DKK4: variants seen among roughly 807,000 people sequenced by gnomAD.
DKK4 encodes dickkopf Wnt signaling pathway inhibitor 4, also known as dickkopf-related protein 4.
A neutral mutation model predicts 14.5 loss-of-function variants in DKK4; 15 were observed. That is an observed-to-expected ratio of 1.03 (90% CI 0.69 to 1.59). The LOEUF is 1.59. Ranked by LOEUF, DKK4 falls within the 40% of genes most tolerant of loss-of-function variation. DKK4 has a pLI of 0.00. For synonymous variants in DKK4, 89 were observed against 105.2 expected, an observed-to-expected ratio of 0.85 and a Z score of 0.94; for missense variants, 272 against 280.3, an observed-to-expected ratio of 0.97 and a Z score of 0.21.
chr8:42,380,203 C>T (rs867902986), upstream of DKK4, among the ~76,000 whole-genome samples: 65 of 152,056 alleles, frequency 4.3e-4, no homozygotes, highest in Admixed American at 2.9e-3. Flanking sequence ...TGTGGTGGCA[C>T]GTGTCTGCAG....
At chr8:42,384,225 A>G in the DKK4 span, among the ~76,000 whole-genome samples, 2 of 152,126 alleles carry the variant, frequency 1.3e-5, no homozygotes, top group Admixed American at 6.5e-5. Context: ...GCAGTGGTGC[A>G]AGCACAGCTC....
In DKK4 at chr8:42,374,815, G is replaced by A. The variant is rs1824525795; in HGVS notation, c.361C>T (p.Gln121Ter). ...GGCTTCCTTTTGGGTTGGTTTTCCT[G>A]GACTGGGTGCCCAGTTGTTCCTTCT... The part of the protein sequence containing the change: ...HAEGTTGHPV[Q>*]ENQPKRKPSI... Residue 121 changes from glutamine to a stop codon, truncating the protein, a stop_gained, in exon 3 of 4, where the codon CAG (glutamine) becomes TAG (stop). Transcript: ENST00000220812. LOFTEE classifies it high-confidence loss of function. 6.2e-7 allele frequency: 1 copy of A among 1,614,058 alleles called. No individual in the cohort carries two copies. Among genetic ancestry groups the A allele is most frequent in the Non-Finnish European group, 8.5e-7 (1 of 1,180,040 alleles).
chr8:42,380,977 C>T (rs1439229033), upstream of DKK4, among the ~76,000 whole-genome samples: 1 of 152,032 alleles, frequency 6.6e-6, no homozygotes, highest in Non-Finnish European at 1.5e-5. Flanking sequence ...AAGAAAGACA[C>T]TGGTGTGATC....
chr8:42,383,024 G>T, the DKK4 span, among the ~76,000 whole-genome samples: 1 of 152,160 alleles, frequency 6.6e-6, no homozygotes, highest in Non-Finnish European at 1.5e-5. Flanking sequence ...AAACCAGTTT[G>T]ATTTCCATAA....
chr8:42,375,793 C>T lies in DKK4; in HGVS notation c.149G>A (p.Arg50Lys). Reference protein sequence around the residue: ...QCLSDTDCNTRKFCLQPRDEK... With the variant: ...QCLSDTDCNTKKFCLQPRDEK... ...ATCGCGGGGCTGGAGGCAGAACTTT[C>T]TGGTATTGCAGTCCGTGTCAGACAG... The change falls in exon 2 of 4, where the codon AGA (arginine) becomes AAA (lysine). Residue 50 changes from arginine (R) to lysine (K), a missense_variant. Arg to Lys is a conservative substitution (Grantham distance 26). Coordinates refer to ENST00000220812, the MANE Select transcript of DKK4 (RefSeq NM_014420.3). 6.2e-7 allele frequency: 1 copy of T among 1,614,136 alleles called. No homozygotes were observed. The highest frequency in any genetic ancestry group is 1.1e-5 in the South Asian group (1 of 91,070).
At chr8:42,376,856 G>C in intron 1 of DKK4, 79 bp downstream of exon 1, 1 of 1,174,888 alleles carries the variant, frequency 8.5e-7, no homozygotes, top group South Asian at 1.3e-5. Context: ...ACATGAATCA[G>C]AATGACTTAC....
upstream of DKK4, among the ~76,000 whole-genome samples, chr8:42,381,910 T>C (rs1585938947): frequency 1.3e-5 from 2 of 152,236 alleles, no homozygotes; most frequent in South Asian, 4.1e-4. Context: ...GGCAGGAGAA[T>C]TGCTTGAGCC....
chr8:42,382,701 T>C, the DKK4 span, among the ~76,000 whole-genome samples: 2 of 152,234 alleles, frequency 1.3e-5, no homozygotes, highest in Admixed American at 6.5e-5. Flanking sequence ...GCAAGGATTA[T>C]GGGTTAACTG....
chr8:42,377,047 C>G lies in DKK4; in HGVS notation c.-2G>C, dbSNP rs759892704. 6.2e-7 allele frequency: 1 copy of G among 1,612,070 alleles called. No homozygotes were observed. Among genetic ancestry groups the G allele is most frequent in the Non-Finnish European group, 8.5e-7 (1 of 1,179,876 alleles). On this transcript the variant is annotated 5_prime_UTR_variant, in exon 1 of 4. Coordinates refer to ENST00000220812, the MANE Select transcript of DKK4 (RefSeq NM_014420.3). Reference sequence around the variant, plus strand: ...CCCCAGCAGGACGGCCGCCACCATCCTTCAATCCCGGGGCTCCTGGAGGGT... The same window carrying G: ...CCCCAGCAGGACGGCCGCCACCATCGTTCAATCCCGGGGCTCCTGGAGGGT...
chr8:42,376,306 A>G (rs1195333502), intron 1 of DKK4, among the ~76,000 whole-genome samples: 1 of 152,218 alleles, frequency 6.6e-6, no homozygotes, highest in Non-Finnish European at 1.5e-5. Flanking sequence ...CCTCATTGAC[A>G]TAGAGAAAGA....
At chr8:42,387,101 C>T in the DKK4 span, among the ~76,000 whole-genome samples, 2 of 152,134 alleles carry the variant, frequency 1.3e-5, no homozygotes, top group African/African-American at 4.8e-5. Flanking sequence ...TGTCATTGTG[C>T]CCTGGACACG....
At chr8:42,377,261 AC>A (rs1824583477), upstream of DKK4, 2 of 538,764 alleles carry the variant, frequency 3.7e-6, no homozygotes, top group South Asian at 5.2e-5. Context: ...ACTATTTATA[AC>A]CAGATGTGCC....
At chr8:42,375,860 A>G (rs761367670) in intron 1 of DKK4, 30 bp from the exon 2 acceptor site, 13 of 1,611,228 alleles carry the variant, frequency 8.1e-6, no homozygotes, top group Non-Finnish European at 1.0e-5. Flanking sequence ...TCACAAGGCT[A>G]GGAAACCCCC....
chr8:42,379,428 A>AG (rs1563415812), upstream of DKK4, among the ~76,000 whole-genome samples: 29 of 77,762 alleles, frequency 3.7e-4, 2 homozygotes, highest in Non-Finnish European at 5.3e-4. Context: ...GAGAGAGAGA[A>AG]AGATTCAGAC....
At chr8:42,384,113 C>T in the DKK4 span, among the ~76,000 whole-genome samples, 1 of 152,060 alleles carries the variant, frequency 6.6e-6, no homozygotes, top group African/African-American at 2.4e-5. Flanking sequence ...GGGAGGTCTG[C>T]CATCTTTGGA....
intron 2 of DKK4, 35 bp downstream of exon 2, chr8:42,375,645 G>T (rs200577163): frequency 6.2e-7 from 1 of 1,611,218 alleles, no homozygotes; most frequent in Non-Finnish European, 8.5e-7. Flanking sequence ...CACTACCTTC[G>T]GTTTAAAAAC....
In DKK4 at chr8:42,376,928, G is replaced by A. The variant is rs772652133; in HGVS notation, c.111+7C>T. 1.2e-6 allele frequency: 2 copies of A among 1,612,140 alleles called. No individual in the cohort carries two copies. The highest frequency in any genetic ancestry group is 1.7e-5 in the Admixed American group (1 of 59,980). ...CCGTACCTCGCCCCCCTCCCTAGCA[G>A]CCTTACCTTCCGGGCCCCATGCAGG... On this transcript the variant is annotated splice_region_variant and intron_variant, in intron 1 of 3. Coordinates refer to ENST00000220812, the MANE Select transcript of DKK4 (RefSeq NM_014420.3).
chr8:42,375,126 A>G (rs1824532492), intron 2 of DKK4, among the ~76,000 whole-genome samples: 1 of 152,236 alleles, frequency 6.6e-6, no homozygotes. Context: ...AAAGGTAGTT[A>G]ATGGTATCCA....
Position 42,374,852 on chromosome 8 carries a change from A to G in DKK4, c.324T>C (p.Asp108=), listed in dbSNP as rs1201009913. The change falls in exon 3 of 4, where the codon GAT becomes GAC. Residue 108 remains aspartate (D), a synonymous_variant. Coordinates refer to ENST00000220812, the MANE Select transcript of DKK4 (RefSeq NM_014420.3). The stretch of plus-strand genomic sequence containing the variant: ...CAGTTGTTCCTTCTGCATGTGTGCC[A>G]TCTTGCTCATCAAGCTGCCTTTCTA... ...PILERQLDEQ[D]GTHAEGTTGH... 3.7e-6 allele frequency: 6 copies of G among 1,614,100 alleles called. No individual in the cohort carries two copies. The South Asian group carries it at 5.5e-5, about 15-fold the overall frequency.
Sources: allele counts gnomAD v4.1 joint callset (sites outside exome capture counted in the v4.1 genomes callset), GRCh38; gene constraint gnomAD v4.1.1; transcripts MANE v1.5; gene names NCBI Gene and HGNC (gene_info 2026-07-23, HGNC 2026-07-21).